Variants in CAPN5 observed in about 807,000 individuals in gnomAD.
CAPN5 encodes the protein calpain-5.
CAPN5 carries 54 observed loss-of-function variants against 73.0 expected under a neutral mutation model. The ratio of observed to expected loss-of-function variants is 0.74; its 90% CI spans 0.59 to 0.93. CAPN5 has a LOEUF of 0.93. Ranked by LOEUF, CAPN5 falls within the 40% of genes least tolerant of loss-of-function variation. The pLI, the probability that CAPN5 is intolerant of heterozygous loss-of-function variation, is 0.00. For missense variants in CAPN5, 785 were observed against 882.9 expected, an observed-to-expected ratio of 0.89 and a Z score of 1.41; for synonymous variants, 335 against 356.9, an observed-to-expected ratio of 0.94 and a Z score of 0.69.
intron 6 of CAPN5, 77 bp from the exon 7 acceptor site, chr11:77,116,149 T>C: frequency 2.9e-6 from 4 of 1,396,164 alleles, no homozygotes; most frequent in Non-Finnish European, 4.0e-6. Context: ...TCGTGCCTCC[T>C]CGCCTTTGCC....
intron 3 of CAPN5, chr11:77,102,919 T>A: frequency 6.2e-7 from 1 of 1,612,892 alleles, no homozygotes; most frequent in South Asian, 1.1e-5. Flanking sequence ...CAGATGCGGC[T>A]ACGCGTGGAG....
At chr11:77,116,631 A>T (rs1332475503) in intron 7 of CAPN5, among the ~76,000 whole-genome samples, 2 of 152,274 alleles carry the variant, frequency 1.3e-5, no homozygotes, top group East Asian at 3.9e-4. Flanking sequence ...CGGCAAGGGT[A>T]AGGAGGCATG....
chr11:77,100,927 C>T lies in CAPN5; in HGVS notation c.297+7114C>T, dbSNP rs910580824. On this transcript the variant is annotated intron_variant, in intron 3 of 12. Coordinates refer to ENST00000648180, the MANE Select transcript of CAPN5 (RefSeq NM_004055.5). ...CTGCTGCCATGCCACAGCCCGGGCC[C>T]GGAACTGCTCTCCCTGGAGGTCTTC... is the stretch of plus-strand genomic sequence containing the variant. Among the ~76,000 whole-genome samples the T allele has an allele frequency of 2.6e-5, 4 of 152,222 alleles. 1 individual carries two copies. The highest frequency in any genetic ancestry group is 9.7e-5 in the African/African-American group (4 of 41,448).
intron 1 of CAPN5, among the ~76,000 whole-genome samples, chr11:77,074,465 C>T (rs143042357): frequency 2.8e-4 from 42 of 152,320 alleles, no homozygotes; most frequent in Non-Finnish European, 4.3e-4. Context: ...TGGCCCTGCT[C>T]GGGCTCCATC....
At chr11:77,103,440 C>A in intron 3 of CAPN5, 1 of 1,371,832 alleles carries the variant, frequency 7.3e-7, no homozygotes, top group Non-Finnish European at 9.9e-7. Flanking sequence ...TCAGCCTGTC[C>A]TCTGCTTGCC....
In CAPN5 at chr11:77,102,748, G is replaced by A. The variant is rs531097694; in HGVS notation, c.297+8935G>A. The A allele has an allele frequency of 1.6e-5, 23 of 1,420,538 alleles. No homozygotes were observed. The South Asian group carries it at 3.1e-4, about 19-fold the overall frequency. 88.0% of individuals were successfully genotyped at this position (1,420,538 alleles called of 1,614,324 possible). A position where few individuals can be genotyped will look rare whatever the true frequency, so the allele number is the denominator to read the frequency against. On this transcript the variant is annotated intron_variant, in intron 3 of 12. Transcript: ENST00000648180. ...GGGGAAGAGGGAAGGGCAGAAAGTA[G>A]GTGGGGCCCCCCTTTGGTGGCCTCT...
chr11:77,074,308 G>A (rs1388607140), intron 1 of CAPN5, among the ~76,000 whole-genome samples: 1 of 151,990 alleles, frequency 6.6e-6, no homozygotes, highest in Admixed American at 6.6e-5. Flanking sequence ...AAATGCTGAT[G>A]CCCCTCTGCC....
chr11:77,115,241 G>T (rs997142309), intron 5 of CAPN5, among the ~76,000 whole-genome samples, 154 bp from the exon 6 acceptor site: 2 of 152,222 alleles, frequency 1.3e-5, no homozygotes, highest in Admixed American at 1.3e-4. Flanking sequence ...GCCCATGGGG[G>T]TTTTAAAGCT....
rs75450534 is a variant in CAPN5, at chr11:77,103,229, G to A, written c.298-9360G>A. The stretch of plus-strand genomic sequence containing the variant: ...CCCTGGAGTTTGGGGAGCGCCTGTC[G>A]GACCTGGCCAAGATCCGCAAGGTCA... On this transcript the variant is annotated intron_variant, in intron 3 of 12. Transcript: ENST00000648180. The A allele has an allele frequency of 3.5e-5, 57 of 1,613,642 alleles. No homozygotes were observed. The East Asian group carries it at 8.7e-4, about 25-fold the overall frequency.
In CAPN5 at chr11:77,122,025, G is replaced by C. The variant is rs1555042897; in HGVS notation, c.1579G>C (p.Ala527Pro). The C allele has an allele frequency of 1.3e-6, 2 of 1,556,814 alleles. No homozygotes were observed. The highest frequency in any genetic ancestry group is 1.7e-6 in the Non-Finnish European group (2 of 1,150,194). ...LVTQVHVLGAAGLKDSPTGAN... is the reference protein window; with the variant it reads ...LVTQVHVLGAPGLKDSPTGAN... ...GACCCAGGTACATGTCCTGGGAGCT[G>C]CTGGCCTCAAGGACTCCCCAACAGG... is the stretch of plus-strand genomic sequence containing the variant. The change falls in exon 11 of 13, where the codon GCT becomes CCT. Residue 527 changes from alanine to proline, a missense_variant. Physicochemically the swap from Ala to Pro is conservative, Grantham distance 27 (BLOSUM62 -1). Coordinates refer to ENST00000648180, the MANE Select transcript of CAPN5 (RefSeq NM_004055.5).
chr11:77,118,830 C>T (rs1450088649), intron 8 of CAPN5, among the ~76,000 whole-genome samples, 200 bp from the exon 9 acceptor site: 1 of 152,200 alleles, frequency 6.6e-6, no homozygotes, highest in Non-Finnish European at 1.5e-5. Flanking sequence ...AGTGGCCACC[C>T]TGGCATTGAG....
intron 3 of CAPN5, among the ~76,000 whole-genome samples, chr11:77,107,738 G>T (rs782189320): frequency 6.6e-6 from 1 of 152,198 alleles, no homozygotes; most frequent in Non-Finnish European, 1.5e-5. Context: ...GGCAGATCCT[G>T]CCAGTCCTTG....
At chr11:77,094,556 G>A (rs1555037238) in intron 3 of CAPN5, among the ~76,000 whole-genome samples, 1 of 152,242 alleles carries the variant, frequency 6.6e-6, no homozygotes, top group East Asian at 1.9e-4. Context: ...TATTGGCAGG[G>A]ACTGCAGGGG....
chr11:77,079,650 T>G (rs1950009252), intron 1 of CAPN5, among the ~76,000 whole-genome samples: 1 of 152,246 alleles, frequency 6.6e-6, no homozygotes, highest in Non-Finnish European at 1.5e-5. Flanking sequence ...GGACATATTC[T>G]TAGAATTACT....
At chr11:77,108,661 C>A (rs187439080) in intron 3 of CAPN5, among the ~76,000 whole-genome samples, 10 of 152,200 alleles carry the variant, frequency 6.6e-5, no homozygotes, top group African/African-American at 2.4e-4. Flanking sequence ...CCTCTACACA[C>A]CCCTGCACTT....
Position 77,125,686 on chromosome 11 carries a change from T to C in CAPN5, c.*1816T>C, listed in dbSNP as rs953415525. The C allele has an allele frequency of 6.6e-6, 1 of 151,880 alleles. No homozygotes were observed. The highest frequency in any genetic ancestry group is 1.5e-5 in the Non-Finnish European group (1 of 67,974). The allele number at this position is 151,880 out of a possible 1,614,324, so 9.4% of individuals were successfully genotyped here. A position where few individuals can be genotyped will look rare whatever the true frequency, so the allele number is the denominator to read the frequency against. On this transcript the variant is annotated 3_prime_UTR_variant, in exon 13 of 13. Transcript: ENST00000648180. ...CTCGATGTCTATTTCAAATCAAGGC[T>C]CCTGAGTAGGGGGTGAAGTGAGCCA...
At position 77,114,357 on chromosome 11, in the gene CAPN5, G is replaced by C. The variant is rs1950445353; in HGVS notation, c.622G>C (p.Glu208Gln). The stretch of plus-strand genomic sequence containing the variant: ...GACCGAGGGTGACTTTGCCAACGAT[G>C]AGACTAAGAGGAACCAGCTCTTTGA... ...DLTEGDFAND[E>Q]TKRNQLFERM... Residue 208 changes from glutamate to glutamine, a missense_variant, in exon 5 of 13, where the codon GAG becomes CAG. Coordinates refer to ENST00000648180, the MANE Select transcript of CAPN5 (RefSeq NM_004055.5). The C allele has an allele frequency of 6.2e-7, 1 of 1,614,216 alleles. No homozygotes were observed.
intron 10 of CAPN5, 63 bp downstream of exon 10, chr11:77,120,972 G>A: frequency 6.7e-7 from 1 of 1,482,326 alleles, no homozygotes; most frequent in Non-Finnish European, 9.3e-7. Context: ...GGCCAACCAG[G>A]AACCTGCAGC....
chr11:77,092,003 T>C (rs1322947088), intron 2 of CAPN5, among the ~76,000 whole-genome samples: 1 of 152,134 alleles, frequency 6.6e-6, no homozygotes, highest in African/African-American at 2.4e-5. Context: ...GAAGATTGCT[T>C]GAGCTCAGGA....
Sources: gnomAD v4.1 joint callset for allele counts (sites outside exome capture counted in the v4.1 genomes callset) on GRCh38, gnomAD v4.1.1 for gene constraint, MANE v1.5 for transcripts, NCBI Gene and HGNC (gene_info 2026-07-23, HGNC 2026-07-21) for gene names.